MGLL: variants seen among roughly 807,000 people sequenced by gnomAD.
The protein encoded by MGLL is monoglyceride lipase, also known as lysophospholipase homolog.
MGLL carries 7 observed loss-of-function variants against 29.1 expected under a neutral mutation model. The ratio of observed to expected loss-of-function variants is 0.24; its 90% CI spans 0.14 to 0.45. MGLL has a LOEUF of 0.45. MGLL is among the 20% of genes least tolerant of loss of function. The pLI is 0.99. For synonymous variants in MGLL, 148 were observed against 168.3 expected (o/e 0.88, Z 0.93); for missense variants, 356 against 413.6 (o/e 0.86, Z 1.21).
chr3:127,709,878 C>T (rs540049782), intron 6 of MGLL, among the ~76,000 whole-genome samples: 1 of 152,330 alleles, frequency 6.6e-6, no homozygotes, highest in African/African-American at 2.4e-5. Context: ...AGTCATCCCA[C>T]GTTATGGGGC....
intron 2 of MGLL, among the ~76,000 whole-genome samples, chr3:127,813,002 C>T (rs2077690833): frequency 6.6e-6 from 1 of 152,160 alleles, no homozygotes; most frequent in South Asian, 2.1e-4. Flanking sequence ...CAGAGGGGAA[C>T]TTCTAAAACG....
intron 3 of MGLL, among the ~76,000 whole-genome samples, chr3:127,749,377 A>G (rs1160574739): frequency 6.6e-6 from 1 of 152,228 alleles, no homozygotes; most frequent in East Asian, 1.9e-4. Context: ...CCATTTTCTG[A>G]TTGAAAGAAA....
intron 3 of MGLL, among the ~76,000 whole-genome samples, chr3:127,741,017 GCA>G (rs1278842010): frequency 2.0e-5 from 3 of 152,204 alleles, no homozygotes; most frequent in Non-Finnish European, 4.4e-5. Context: ...CCCCCAGTGA[GCA>G]CAGAGCCTGA....
At chr3:127,706,273 G>T (rs1370120841) in intron 6 of MGLL, among the ~76,000 whole-genome samples, 1 of 152,212 alleles carries the variant, frequency 6.6e-6, no homozygotes, top group Non-Finnish European at 1.5e-5. Context: ...CCTACTATGT[G>T]CATGTCCCAC....
chr3:127,718,755 G>T (rs1353197282), intron 5 of MGLL, among the ~76,000 whole-genome samples: 1 of 152,138 alleles, frequency 6.6e-6, no homozygotes, highest in East Asian at 1.9e-4. Flanking sequence ...TGCTGCCCAC[G>T]CCAACCGGGA....
chr3:127,801,012 G>C (rs1031258962), intron 2 of MGLL, among the ~76,000 whole-genome samples: 2 of 151,574 alleles, frequency 1.3e-5, no homozygotes, highest in African/African-American at 4.9e-5. Context: ...AATTAAAAAG[G>C]GGTAATGAGC....
At chr3:127,794,479 A>C (rs1218615383) in intron 2 of MGLL, among the ~76,000 whole-genome samples, 1 of 152,112 alleles carries the variant, frequency 6.6e-6, no homozygotes, top group Non-Finnish European at 1.5e-5. Context: ...GCTGTCTTCT[A>C]TGACATCAGA....
At chr3:127,805,987 C>T (rs2077558170) in intron 2 of MGLL, among the ~76,000 whole-genome samples, 1 of 152,254 alleles carries the variant, frequency 6.6e-6, no homozygotes, top group Non-Finnish European at 1.5e-5. Flanking sequence ...CCCTGCAGCC[C>T]TCTGAGGTTA....
rs561441137 is a variant in MGLL at position 127,764,318 on chromosome 3, C to T, written c.262+17471G>A. ...GGGGAAGAAGTCGTGCCAGAGAGAA[C>T]GAGGCTGCAGACCTGGAGTGGAAGG... is the stretch of plus-strand genomic sequence containing the variant. On this transcript the variant is annotated intron_variant, in intron 3 of 7. Transcript: ENST00000265052. 2.7e-4 allele frequency among the ~76,000 whole-genome samples: 41 copies of T among 152,192 alleles called. 1 individual carries two copies. The highest frequency in any genetic ancestry group is 5.6e-4 in the Non-Finnish European group (38 of 68,044).
chr3:127,719,203 GGGCTCT>G (rs1559920233), intron 5 of MGLL, among the ~76,000 whole-genome samples: 1 of 152,224 alleles, frequency 6.6e-6, no homozygotes, highest in African/African-American at 2.4e-5. Context: ...AGAGCCCAGG[GGGCTCT>G]GGGAGGAAAC....
chr3:127,707,706 G>A (rs1312512137), intron 6 of MGLL, among the ~76,000 whole-genome samples: 1 of 152,214 alleles, frequency 6.6e-6, no homozygotes, highest in Non-Finnish European at 1.5e-5. Context: ...CTAGTGTCTG[G>A]CACAGAAGAA....
intron 3 of MGLL, among the ~76,000 whole-genome samples, chr3:127,726,932 T>C (rs2076057502): frequency 6.6e-6 from 1 of 152,242 alleles, no homozygotes; most frequent in African/African-American, 2.4e-5. Context: ...TATCATCTAA[T>C]ATACAATCCA....
At chr3:127,750,103 G>A (rs1281626488) in intron 3 of MGLL, among the ~76,000 whole-genome samples, 2 of 152,128 alleles carry the variant, frequency 1.3e-5, no homozygotes, top group African/African-American at 4.8e-5. Flanking sequence ...GGAGGGCCAT[G>A]GTCTCATCTG....
intron 3 of MGLL, among the ~76,000 whole-genome samples, chr3:127,759,571 C>A (rs1424673547): frequency 1.3e-5 from 2 of 152,222 alleles, no homozygotes; most frequent in Non-Finnish European, 2.9e-5. Flanking sequence ...CTGCACCTTC[C>A]CCTGCTTAGA....
chr3:127,801,611 C>T (rs1456890248), intron 2 of MGLL, among the ~76,000 whole-genome samples: 4 of 151,890 alleles, frequency 2.6e-5, no homozygotes, highest in African/African-American at 4.8e-5. Context: ...AACAAAACTC[C>T]GTCTCAAAAA....
At chr3:127,726,380 T>A (rs1023773801) in intron 3 of MGLL, among the ~76,000 whole-genome samples, 2 of 151,846 alleles carry the variant, frequency 1.3e-5, no homozygotes, top group Non-Finnish European at 2.9e-5. Context: ...GAAAAGTAAG[T>A]TGCAGATTAT....
intron 3 of MGLL, among the ~76,000 whole-genome samples, chr3:127,777,370 T>TGATTG (rs2077053673): frequency 1.3e-5 from 2 of 152,234 alleles, no homozygotes; most frequent in Non-Finnish European, 2.9e-5. Context: ...GTCCATTCTC[T>TGATTG]GTGTCTACCT....
chr3:127,813,399 C>T (rs2077698999), intron 2 of MGLL, among the ~76,000 whole-genome samples: 2 of 152,180 alleles, frequency 1.3e-5, no homozygotes, highest in South Asian at 4.1e-4. Flanking sequence ...CACTTAGGTG[C>T]CCACATACTT....
intron 3 of MGLL, among the ~76,000 whole-genome samples, chr3:127,724,734 C>A (rs1256627245): frequency 6.6e-6 from 1 of 152,154 alleles, no homozygotes; most frequent in East Asian, 1.9e-4. Flanking sequence ...GCCAAGGCAA[C>A]ACCAGGGCTG....
Sources: gnomAD v4.1 joint callset for allele counts (sites outside exome capture counted in the v4.1 genomes callset) on GRCh38, gnomAD v4.1.1 for gene constraint, MANE v1.5 for transcripts, NCBI Gene and HGNC (gene_info 2026-07-23, HGNC 2026-07-21) for gene names.